Variants in SLC6A11 observed in about 807,000 individuals in gnomAD.
The protein encoded by SLC6A11 is solute carrier family 6 member 11.
A neutral mutation model predicts 74.8 loss-of-function variants in SLC6A11; 25 were observed. That is an observed-to-expected ratio of 0.33 (90% CI 0.24 to 0.47). The LOEUF is 0.47. Ranked by LOEUF, SLC6A11 falls within the 20% of genes least tolerant of loss-of-function variation. SLC6A11 has a pLI of 1.00. For synonymous variants in SLC6A11, 330 were observed against 330.2 expected, an observed-to-expected ratio of 1.00 and a Z score of 0.01; for missense variants, 574 against 837.0, an observed-to-expected ratio of 0.69 and a Z score of 3.88.
Position 10,816,672 on chromosome 3 carries a change from C to T in SLC6A11, c.256+151C>T, listed in dbSNP as rs1424964143. ...CCAGGCACCTCGCGTGTGAGCTCGC[C>T]CCGGAGCGCGGCCCACCTGTGCCAG... is the stretch of plus-strand genomic sequence containing the variant. On this transcript the variant is annotated intron_variant, in intron 1 of 13. Coordinates refer to ENST00000254488, the MANE Select transcript of SLC6A11 (RefSeq NM_014229.3). This position sits in a 1 kb window ranked among gnomAD's most constrained non-coding sequence, Gnocchi z 4.2. The T allele has an allele frequency of 2.3e-6, 2 of 854,950 alleles. No individual in the cohort carries two copies. Among genetic ancestry groups the T allele is most frequent in the Non-Finnish European group, 3.4e-6 (2 of 587,598 alleles). The allele number at this position is 854,950 out of a possible 1,614,324, so 53.0% of individuals were successfully genotyped here. A position where few individuals can be genotyped will look rare whatever the true frequency, so the allele number is the denominator to read the frequency against.
At chr3:10,823,420 G>T in intron 4 of SLC6A11, 28 bp downstream of exon 4, 1 of 1,426,210 alleles carries the variant, frequency 7.0e-7, no homozygotes, top group Non-Finnish European at 9.9e-7. Flanking sequence ...TGTCTCCCTT[G>T]GCCTGTGGGG....
chr3:10,830,626 G>A (rs2106577189), intron 4 of SLC6A11, among the ~76,000 whole-genome samples: 2 of 152,278 alleles, frequency 1.3e-5, no homozygotes, highest in Middle Eastern at 3.4e-3. Flanking sequence ...CTCTGAGGAG[G>A]TGGCATGTCA....
At chr3:10,833,651 C>T (rs1025476608) in intron 4 of SLC6A11, among the ~76,000 whole-genome samples, 1 of 152,174 alleles carries the variant, frequency 6.6e-6, no homozygotes, top group Admixed American at 6.5e-5. Context: ...GAATTTGAAT[C>T]CTGCTGCTTC....
At chr3:10,912,598 CTGCCCCACCTGGGGCCAG>C (rs1265823286) in intron 7 of SLC6A11, among the ~76,000 whole-genome samples, 7 of 152,258 alleles carry the variant, frequency 4.6e-5, no homozygotes, top group African/African-American at 1.7e-4. Flanking sequence ...GGGTCATCTT[CTGCCCCACCTGGGGCCAG>C]TGCCCCACTT....
intron 4 of SLC6A11, among the ~76,000 whole-genome samples, chr3:10,827,608 G>A (rs992774159): frequency 6.6e-6 from 1 of 152,292 alleles, no homozygotes. Flanking sequence ...AAAGTAGACT[G>A]CCTAGGCTGT....
In SLC6A11 at chr3:10,939,122, T is replaced by C. The variant is rs1019936295; in HGVS notation, c.*720T>C. On this transcript the variant is annotated 3_prime_UTR_variant, in exon 14 of 14. Transcript: ENST00000254488. ...AGACCTGCCGTGGACCTTGGCTTCCTCTGAAGACTTGCAGGCAATAATCTC... is the reference window on the plus strand; with the variant it reads ...AGACCTGCCGTGGACCTTGGCTTCCCCTGAAGACTTGCAGGCAATAATCTC... The C allele has an allele frequency of 2.0e-5, 3 of 152,234 alleles. No homozygotes were observed. Among genetic ancestry groups the C allele is most frequent in the Admixed American group, 6.5e-5 (1 of 15,286 alleles). 9.4% of individuals were successfully genotyped at this position (152,234 alleles called of 1,614,324 possible). A position where few individuals can be genotyped will look rare whatever the true frequency, so the allele number is the denominator to read the frequency against.
At chr3:10,936,993 G>A (rs1007966392) in intron 13 of SLC6A11, among the ~76,000 whole-genome samples, 1 of 152,136 alleles carries the variant, frequency 6.6e-6, no homozygotes, top group Non-Finnish European at 1.5e-5. Flanking sequence ...TCCTTACCGA[G>A]AGTCCTTGTG....
At chr3:10,860,344 C>G (rs952823653) in intron 5 of SLC6A11, among the ~76,000 whole-genome samples, 2 of 152,188 alleles carry the variant, frequency 1.3e-5, no homozygotes, top group Non-Finnish European at 2.9e-5. Context: ...CATGTGGGAG[C>G]CATCCTGATT....
intron 7 of SLC6A11, among the ~76,000 whole-genome samples, chr3:10,917,321 C>T (rs1012887680): frequency 1.3e-5 from 2 of 152,126 alleles, no homozygotes; most frequent in African/African-American, 4.8e-5. Context: ...GGGGAAAGTA[C>T]CACTGGAAAA....
chr3:10,881,004 G>C (rs1281344137), intron 6 of SLC6A11, among the ~76,000 whole-genome samples: 1 of 152,180 alleles, frequency 6.6e-6, no homozygotes, highest in East Asian at 1.9e-4. Flanking sequence ...GATGAGACCA[G>C]AAGTTCTCCT....
At chr3:10,924,402 T>C (rs1455684663) in intron 8 of SLC6A11, among the ~76,000 whole-genome samples, 3 of 151,926 alleles carry the variant, frequency 2.0e-5, no homozygotes. Context: ...TCAAAAATCC[T>C]AAGGAACCTA....
intron 4 of SLC6A11, chr3:10,824,823 G>A (rs1694185679): frequency 6.6e-6 from 1 of 152,146 alleles, no homozygotes; most frequent in Non-Finnish European, 1.5e-5. Context: ...TTCCTTGAGT[G>A]GAATTGCTGG....
At chr3:10,821,246 A>C (rs533614321) in intron 3 of SLC6A11, among the ~76,000 whole-genome samples, 1 of 152,380 alleles carries the variant, frequency 6.6e-6, no homozygotes, top group African/African-American at 2.4e-5. Context: ...AAATATGCAC[A>C]TGCTCTGGAT....
intron 9 of SLC6A11, among the ~76,000 whole-genome samples, chr3:10,928,733 G>A (rs1343207266): frequency 3.9e-5 from 6 of 152,080 alleles, no homozygotes; most frequent in South Asian, 2.1e-4. Context: ...TCCCAACCCC[G>A]GAGACCACAG....
At chr3:10,932,801 G>T (rs1321338448) in intron 10 of SLC6A11, among the ~76,000 whole-genome samples, 1 of 152,178 alleles carries the variant, frequency 6.6e-6, no homozygotes, top group Non-Finnish European at 1.5e-5. Flanking sequence ...AGAGGGTGAG[G>T]CTGGAGGCAG....
chr3:10,855,534 C>T (rs1415818519), intron 5 of SLC6A11, among the ~76,000 whole-genome samples: 2 of 152,322 alleles, frequency 1.3e-5, no homozygotes, highest in African/African-American at 4.8e-5. Flanking sequence ...CTGAGCATCC[C>T]TGTTTGCCTC....
chr3:10,894,858 A>G (rs1268080976), intron 6 of SLC6A11, among the ~76,000 whole-genome samples: 1 of 152,252 alleles, frequency 6.6e-6, no homozygotes. Flanking sequence ...TAGCCATTCC[A>G]TAGTGTTTAT....
At chr3:10,849,302 G>C (rs940606842) in intron 5 of SLC6A11, among the ~76,000 whole-genome samples, 1 of 152,186 alleles carries the variant, frequency 6.6e-6, no homozygotes, top group Non-Finnish European at 1.5e-5. Context: ...TTGGAATGGG[G>C]ATAATTGAAA....
At chr3:10,845,782 A>C (rs1352983247) in intron 5 of SLC6A11, among the ~76,000 whole-genome samples, 1 of 152,204 alleles carries the variant, frequency 6.6e-6, no homozygotes, top group African/African-American at 2.4e-5. Context: ...GATTTTGCTT[A>C]TATTTGCTTT....
Sources: allele counts gnomAD v4.1 joint callset (sites outside exome capture counted in the v4.1 genomes callset), GRCh38; gene constraint gnomAD v4.1.1; non-coding constraint Gnocchi (gnomAD v3.1); transcripts MANE v1.5; gene names NCBI Gene and HGNC (gene_info 2026-07-23, HGNC 2026-07-21).